Variants in TENM2 observed in about 807,000 individuals in gnomAD.
TENM2 encodes the protein teneurin transmembrane protein 2.
A neutral mutation model predicts 245.2 loss-of-function variants in TENM2; 52 were observed. The ratio of observed to expected loss-of-function variants is 0.21; its 90% CI spans 0.17 to 0.27. The LOEUF is 0.27. Among genes scored for constraint, TENM2 ranks in the 10% least tolerant of loss-of-function variants. The pLI, the probability that TENM2 is intolerant of heterozygous loss-of-function variation, is 1.00. For synonymous variants in TENM2, 1,363 were observed against 1,438.9 expected, an observed-to-expected ratio of 0.95 and a Z score of 1.19; for missense variants, 3,046 against 3,666.8, an observed-to-expected ratio of 0.83 and a Z score of 4.37.
intron 4 of TENM2, among the ~76,000 whole-genome samples, chr5:167,992,613 G>A (rs1783752540): frequency 6.6e-6 from 1 of 152,056 alleles, no homozygotes. Context: ...AAAAATAGTA[G>A]GTATCTAATA....
intron 2 of TENM2, among the ~76,000 whole-genome samples, chr5:167,616,832 G>GT (rs578037747): frequency 1.3e-4 from 19 of 151,836 alleles, no homozygotes; most frequent in South Asian, 2.1e-4. Context: ...AGTTACATTT[G>GT]TTTTTTTTAA....
intron 6 of TENM2, among the ~76,000 whole-genome samples, chr5:168,061,846 G>A (rs1322918950): frequency 6.6e-6 from 1 of 152,178 alleles, no homozygotes; most frequent in Non-Finnish European, 1.5e-5. Context: ...AGAAAGCATT[G>A]TGCCAAGATT....
chr5:167,260,466 G>C, the TENM2 span, among the ~76,000 whole-genome samples: 1 of 152,088 alleles, frequency 6.6e-6, no homozygotes, highest in African/African-American at 2.4e-5. Context: ...GCTATATCTA[G>C]GTCTGTGTAA....
the TENM2 span, among the ~76,000 whole-genome samples, chr5:167,138,024 G>T: frequency 2.0e-5 from 3 of 152,078 alleles, no homozygotes; most frequent in Non-Finnish European, 4.4e-5. Flanking sequence ...TACCAATTCT[G>T]GCATAACCAG....
At chr5:168,144,686 G>A (rs1755882947) in intron 12 of TENM2, among the ~76,000 whole-genome samples, 2 of 151,452 alleles carry the variant, frequency 1.3e-5, no homozygotes, top group Non-Finnish European at 2.9e-5. Context: ...AGTCCTTTGG[G>A]TATATACCCA....
intron 2 of TENM2, among the ~76,000 whole-genome samples, chr5:167,420,517 C>A (rs149952106): frequency 6.6e-6 from 1 of 152,148 alleles, no homozygotes; most frequent in Non-Finnish European, 1.5e-5. Context: ...TCCAGCCATG[C>A]GGTCTTTGAA....
At position 168,061,177 on chromosome 5, in the gene TENM2, C is replaced by T. The variant is rs1241690690; in HGVS notation, c.1310-883C>T. Among the ~76,000 whole-genome samples, 5 of 152,114 alleles carry T rather than the reference C, an allele frequency of 3.3e-5. No individual in the cohort carries two copies. The East Asian group carries it at 5.8e-4, about 18-fold the overall frequency. On this transcript the variant is annotated intron_variant, in intron 6 of 28. Coordinates refer to ENST00000518659, the Ensembl canonical transcript of TENM2. ...TTATATTTCTTAGCAAGTTCAGAAT[C>T]GATTTGAAGGAATCACAAATGGCCT...
intron 2 of TENM2, among the ~76,000 whole-genome samples, chr5:167,838,838 T>C (rs183207025): frequency 4.1e-4 from 63 of 152,346 alleles, no homozygotes; most frequent in African/African-American, 1.2e-3. Flanking sequence ...TTTGTTCTTT[T>C]TAAAGCTTAA....
intron 2 of TENM2, among the ~76,000 whole-genome samples, chr5:167,842,580 CAAAAAAAAAAA>C (rs1160974467): frequency 0.027 from 1,222 of 45,330 alleles, 18 homozygotes; most frequent in Middle Eastern, 0.056. Context: ...GACTCCATGT[CAAAAAAAAAAA>C]AAAAAAAAAA....
At chr5:167,573,481 T>A (rs1283561704) in intron 2 of TENM2, among the ~76,000 whole-genome samples, 2 of 151,802 alleles carry the variant, frequency 1.3e-5, no homozygotes, top group Non-Finnish European at 2.9e-5. Context: ...AAACCCGCTC[T>A]CTTTTCTTGA....
chr5:168,143,730 A>G (rs1462776511), intron 12 of TENM2, among the ~76,000 whole-genome samples: 1 of 152,008 alleles, frequency 6.6e-6, no homozygotes, highest in Admixed American at 6.6e-5. Context: ...CCGGAAGTGT[A>G]GAAAGGCTGA....
intron 3 of TENM2, among the ~76,000 whole-genome samples, chr5:167,935,528 G>T (rs1778637354): frequency 6.6e-6 from 1 of 152,180 alleles, no homozygotes; most frequent in African/African-American, 2.4e-5. Flanking sequence ...AACAGACCTT[G>T]GACTTGGAGC....
chr5:167,800,510 C>T (rs771424298), intron 2 of TENM2, among the ~76,000 whole-genome samples: 5 of 152,150 alleles, frequency 3.3e-5, no homozygotes, highest in African/African-American at 1.2e-4. Flanking sequence ...CTAGCATTAC[C>T]CTGCCATACC....
intron 2 of TENM2, among the ~76,000 whole-genome samples, chr5:167,504,404 C>G (rs930172899): frequency 4.6e-5 from 7 of 152,078 alleles, no homozygotes; most frequent in Admixed American, 6.6e-5. Flanking sequence ...ATAAAACTTG[C>G]AAAAGCAATG....
the TENM2 span, among the ~76,000 whole-genome samples, chr5:167,228,437 T>G: frequency 6.6e-6 from 1 of 152,144 alleles, no homozygotes; most frequent in South Asian, 2.1e-4. Context: ...TTCTTTTTTG[T>G]GATGTATATC....
intron 13 of TENM2, among the ~76,000 whole-genome samples, chr5:168,167,834 A>C (rs1758442701): frequency 6.6e-6 from 1 of 152,204 alleles, no homozygotes; most frequent in Non-Finnish European, 1.5e-5. Flanking sequence ...TAGGCATGGC[A>C]ATGCCAATGT....
the TENM2 span, among the ~76,000 whole-genome samples, chr5:167,032,053 AAT>A: frequency 6.6e-6 from 1 of 152,250 alleles, no homozygotes; most frequent in Admixed American, 6.5e-5. Context: ...CTTTGCGGCT[AAT>A]GTTTTTTCGG....
In TENM2 at chr5:168,044,644, T is replaced by A. The variant is rs181728023; in HGVS notation, c.1187-2783T>A. ...AAGACACTGTCAGATCTTTTGGGGG[T>A]TGCAGATGTGTAACCTCTCTGTGGC... On this transcript the variant is annotated intron_variant, in intron 5 of 28. Transcript: ENST00000518659. Among the ~76,000 whole-genome samples, 3 of 151,942 alleles carry A rather than the reference T, an allele frequency of 2.0e-5. 1 individual carries two copies. Among genetic ancestry groups the A allele is most frequent in the Admixed American group, 2.0e-4 (3 of 15,248 alleles).
At chr5:167,458,779 A>G (rs879522900) in intron 2 of TENM2, among the ~76,000 whole-genome samples, 6 of 152,204 alleles carry the variant, frequency 3.9e-5, no homozygotes, top group Non-Finnish European at 8.8e-5. Context: ...TACTATTATT[A>G]TCCTCGATTC....
Sources: allele counts gnomAD v4.1 joint callset (sites outside exome capture counted in the v4.1 genomes callset), GRCh38; gene constraint gnomAD v4.1.1; transcripts MANE v1.5; gene names NCBI Gene and HGNC (gene_info 2026-07-23, HGNC 2026-07-21).